The following WWOX variants were observed in gnomAD, a reference collection of about 807,000 sequenced individuals.
The protein encoded by WWOX is WW domain containing oxidoreductase.
In WWOX, 69 loss-of-function variants were observed where a neutral mutation model predicts 46.2. The ratio of observed to expected loss-of-function variants is 1.49; its 90% confidence interval spans 1.23 to 1.82. The LOEUF (loss-of-function observed/expected upper bound fraction) is 1.82. WWOX is among the 40% of genes most tolerant of loss of function. WWOX has a pLI of 0.00. For missense variants in WWOX, 919 were observed against 542.6 expected (o/e 1.69, Z -6.89); for synonymous variants, 359 against 202.6 (o/e 1.77, Z -6.56).
At chr16:79,188,089 G>T (rs1475169441) in intron 8 of WWOX, among the ~76,000 whole-genome samples, 2 of 152,220 alleles carry the variant, frequency 1.3e-5, no homozygotes, top group South Asian at 2.1e-4. Context: ...ATTGTGGGCA[G>T]TACAGTGTAG....
intron 8 of WWOX, among the ~76,000 whole-genome samples, chr16:79,134,767 A>G (rs1285562623): frequency 6.6e-6 from 1 of 152,204 alleles, no homozygotes; most frequent in Non-Finnish European, 1.5e-5. Flanking sequence ...TAGCCAGGGG[A>G]TTTAGAAATC....
chr16:78,979,152 T>G (rs1053539847), intron 8 of WWOX, among the ~76,000 whole-genome samples: 5 of 151,880 alleles, frequency 3.3e-5, no homozygotes, highest in African/African-American at 1.2e-4. Flanking sequence ...CACTTGGGTC[T>G]TATCTTGTTT....
At chr16:79,167,321 T>G (rs992144494) in intron 8 of WWOX, among the ~76,000 whole-genome samples, 7 of 152,242 alleles carry the variant, frequency 4.6e-5, no homozygotes. Context: ...TCCAAAATGC[T>G]AATAACTTCT....
chr16:78,621,450 C>G (rs766869036), intron 8 of WWOX, among the ~76,000 whole-genome samples: 1 of 151,762 alleles, frequency 6.6e-6, no homozygotes, highest in Non-Finnish European at 1.5e-5. Context: ...GTTGCTTATT[C>G]TTTTCTTCTT....
chr16:78,361,867 C>G (rs954674066), intron 5 of WWOX, among the ~76,000 whole-genome samples: 1 of 152,058 alleles, frequency 6.6e-6, no homozygotes, highest in Non-Finnish European at 1.5e-5. Flanking sequence ...CCACCTCGGA[C>G]TCCCAAAGTG....
At chr16:78,988,522 A>T (rs1011175934) in intron 8 of WWOX, among the ~76,000 whole-genome samples, 4 of 152,034 alleles carry the variant, frequency 2.6e-5, no homozygotes, top group African/African-American at 9.7e-5. Context: ...AATTCAGCCT[A>T]CCACTGGTAA....
At chr16:78,731,808 C>G (rs1488668685) in intron 8 of WWOX, among the ~76,000 whole-genome samples, 3 of 149,382 alleles carry the variant, frequency 2.0e-5, no homozygotes, top group Non-Finnish European at 4.4e-5. Flanking sequence ...AAACTAAAGT[C>G]TAATAGCACT....
chr16:78,703,723 G>C (rs2048274374), intron 8 of WWOX, among the ~76,000 whole-genome samples: 1 of 151,958 alleles, frequency 6.6e-6, no homozygotes, highest in Non-Finnish European at 1.5e-5. Context: ...GAATTTCTTG[G>C]GTTGGGAAGA....
At chr16:79,076,206 T>C (rs147627043) in intron 8 of WWOX, among the ~76,000 whole-genome samples, 2 of 152,354 alleles carry the variant, frequency 1.3e-5, no homozygotes, top group Admixed American at 6.5e-5. Context: ...TGTCACATTT[T>C]AGTGAAATCT....
intron 8 of WWOX, among the ~76,000 whole-genome samples, chr16:78,971,760 C>G (rs1448110031): frequency 7.1e-6 from 1 of 140,618 alleles, no homozygotes; most frequent in Non-Finnish European, 1.5e-5. Flanking sequence ...TCTTTTTGTG[C>G]TGTTGGGTTC....
rs964589996 is a variant in WWOX, at chr16:78,655,549, G to T, written c.1056+222797G>T. 2.0e-5 allele frequency among the ~76,000 whole-genome samples: 3 copies of T among 152,034 alleles called. No individual in the cohort carries two copies. In the East Asian group the frequency reaches 5.8e-4, roughly 29 times the overall value. On this transcript the variant is annotated intron_variant, in intron 8 of 8. Coordinates refer to ENST00000566780, the MANE Select transcript of WWOX (RefSeq NM_016373.4). ...ACATTAAAATAATCTTTAATCCCTTGTTTGGTCTATTACCATTAACAATTG... is the reference window on the plus strand; with the variant it reads ...ACATTAAAATAATCTTTAATCCCTTTTTTGGTCTATTACCATTAACAATTG...
intron 8 of WWOX, among the ~76,000 whole-genome samples, chr16:78,924,433 A>G (rs184839664): frequency 2.2e-4 from 34 of 152,298 alleles, no homozygotes; most frequent in African/African-American, 7.7e-4. Flanking sequence ...GGCAGAATGG[A>G]AAGAATCCCA....
chr16:78,293,261 C>A (rs945740773), intron 5 of WWOX, among the ~76,000 whole-genome samples: 2 of 152,170 alleles, frequency 1.3e-5, no homozygotes, highest in African/African-American at 4.8e-5. Flanking sequence ...CAAGAATTAA[C>A]AAGGAGGATA....
chr16:78,605,078 A>T (rs1212949241), intron 8 of WWOX, among the ~76,000 whole-genome samples: 4 of 146,962 alleles, frequency 2.7e-5, no homozygotes, highest in Non-Finnish European at 5.9e-5. Context: ...TTTCTTTTTA[A>T]AGCCCTCAGT....
At chr16:78,426,595 C>G (rs779350955) in intron 7 of WWOX, among the ~76,000 whole-genome samples, 1 of 152,170 alleles carries the variant, frequency 6.6e-6, no homozygotes, top group East Asian at 1.9e-4. Flanking sequence ...TGTTGTCAGG[C>G]TTGCTCCTGT....
chr16:78,376,157 G>T (rs909113916), intron 5 of WWOX, among the ~76,000 whole-genome samples: 2 of 152,058 alleles, frequency 1.3e-5, no homozygotes, highest in African/African-American at 4.8e-5. Flanking sequence ...GCCGCTTCTC[G>T]TAGATACTAC....
chr16:79,140,098 G>C (rs928882751), intron 8 of WWOX, among the ~76,000 whole-genome samples: 1 of 152,154 alleles, frequency 6.6e-6, no homozygotes, highest in Non-Finnish European at 1.5e-5. Flanking sequence ...CAATGCTGTT[G>C]AGAACATTAA....
At chr16:78,390,546 A>G (rs2082155336) in intron 6 of WWOX, among the ~76,000 whole-genome samples, 2 of 152,344 alleles carry the variant, frequency 1.3e-5, no homozygotes, top group African/African-American at 4.8e-5. Context: ...AGGATTTTAC[A>G]TGGCTTAGAG....
At position 78,306,094 on chromosome 16, in the gene WWOX, T is replaced by G. The variant is rs1318430876; in HGVS notation, c.517-80766T>G. ...GACCATGTGGAGAAGCATTTGCGTC[T>G]CGCTGCCTGTCTTCCAAAGGATTTG... On this transcript the variant is annotated intron_variant, in intron 5 of 8. Coordinates refer to ENST00000566780, the MANE Select transcript of WWOX (RefSeq NM_016373.4). 4.3e-4 allele frequency among the ~76,000 whole-genome samples: 65 copies of G among 152,114 alleles called. 2 individuals carry two copies. Among genetic ancestry groups the G allele is most frequent in the Admixed American group, 4.3e-3 (65 of 15,260 alleles).
Sources: gnomAD v4.1 joint callset for allele counts (sites outside exome capture counted in the v4.1 genomes callset) on GRCh38, gnomAD v4.1.1 for gene constraint, MANE v1.5 for transcripts, NCBI Gene and HGNC (gene_info 2026-07-23, HGNC 2026-07-21) for gene names.